Variants in IFTAP observed in about 807,000 individuals in gnomAD.
IFTAP encodes intraflagellar transport associated protein.
IFTAP carries 19 observed loss-of-function variants against 19.4 expected under a neutral mutation model. The observed-to-expected ratio is 0.98, with a 90% CI of 0.68 to 1.44. IFTAP has a LOEUF of 1.44. Ranked by LOEUF, IFTAP falls within the 40% of genes most tolerant of loss-of-function variation. The pLI is 0.00. For synonymous variants in IFTAP, 85 were observed against 83.5 expected, an observed-to-expected ratio of 1.02 and a Z score of -0.10; for missense variants, 240 against 253.6, an observed-to-expected ratio of 0.95 and a Z score of 0.36.
rs567200799 is a variant in IFTAP at position 36,610,077 on chromosome 11, G to A, written c.-23-4G>A. 6.2e-7 allele frequency: 1 copy of A among 1,610,114 alleles called. No individual in the cohort carries two copies. Among genetic ancestry groups the A allele is most frequent in the Non-Finnish European group, 8.5e-7 (1 of 1,177,492 alleles). Reference sequence around the variant, plus strand: ...TCTCTAGCTGGTATTTTTCTGTCTTGCAGATACTGTGGCCTCATGAATAGG... The same window carrying A: ...TCTCTAGCTGGTATTTTTCTGTCTTACAGATACTGTGGCCTCATGAATAGG... On this transcript the variant is annotated splice_polypyrimidine_tract_variant and splice_region_variant and intron_variant, in intron 1 of 5. Coordinates refer to ENST00000334307, the MANE Select transcript of IFTAP (RefSeq NM_138787.4).
intron 2 of IFTAP, among the ~76,000 whole-genome samples, chr11:36,621,018 A>T (rs1852270001): frequency 6.6e-6 from 1 of 152,062 alleles, no homozygotes; most frequent in Admixed American, 6.6e-5. Context: ...AGTTAAATAA[A>T]CTTTTAAGGT....
chr11:36,658,990 GT>G lies in IFTAP; in HGVS notation c.499-23del, dbSNP rs766794501. 5 of 1,484,774 alleles carry G rather than the reference GT, an allele frequency of 3.4e-6. No individual in the cohort carries two copies. In the African/African-American group the frequency reaches 5.7e-5, roughly 17 times the overall value. 92.0% of individuals were successfully genotyped at this position (1,484,774 alleles called of 1,614,324 possible). ...ATCTTCATTTACAATGATTGTGTAT[GT>G]TTTTTCCTCCTTTGTTACCTTTTAT... On this transcript the variant is annotated intron_variant, in intron 5 of 5. Coordinates refer to ENST00000334307, the MANE Select transcript of IFTAP (RefSeq NM_138787.4).
chr11:36,651,059 G>T (rs942833768), intron 5 of IFTAP, among the ~76,000 whole-genome samples: 2 of 152,132 alleles, frequency 1.3e-5, no homozygotes, highest in Admixed American at 1.3e-4. Context: ...ATAATCCTTT[G>T]GGTATATACC....
chr11:36,620,454 C>T (rs1333974876), intron 2 of IFTAP, among the ~76,000 whole-genome samples: 1 of 151,952 alleles, frequency 6.6e-6, no homozygotes, highest in Non-Finnish European at 1.5e-5. Flanking sequence ...ATGAAACACA[C>T]AAAAATTGCT....
intron 4 of IFTAP, among the ~76,000 whole-genome samples, chr11:36,642,288 C>T (rs1165424711): frequency 6.6e-6 from 1 of 152,016 alleles, no homozygotes; most frequent in African/African-American, 2.4e-5. Context: ...ACACATACAC[C>T]CTTCCAAGAC....
At chr11:36,647,983 A>C in intron 4 of IFTAP, 33 bp from the exon 5 acceptor site, 1 of 1,599,210 alleles carries the variant, frequency 6.3e-7, no homozygotes, top group Non-Finnish European at 8.5e-7. Flanking sequence ...GAACTTTGCG[A>C]AAGGCTCAGT....
intron 4 of IFTAP, among the ~76,000 whole-genome samples, chr11:36,646,801 A>G (rs1406878926): frequency 6.6e-6 from 1 of 152,146 alleles, no homozygotes; most frequent in African/African-American, 2.4e-5. Flanking sequence ...TAGCTGAGCT[A>G]AAGCACATAA....
intron 2 of IFTAP, among the ~76,000 whole-genome samples, chr11:36,617,979 A>G (rs1426371138): frequency 6.6e-6 from 1 of 152,042 alleles, no homozygotes; most frequent in Non-Finnish European, 1.5e-5. Context: ...CTAGGGATTA[A>G]TGCTTAGCTC....
chr11:36,603,356 A>G (rs1029105533), intron 1 of IFTAP, among the ~76,000 whole-genome samples: 1 of 152,182 alleles, frequency 6.6e-6, no homozygotes, highest in Non-Finnish European at 1.5e-5. Context: ...TCTGGTTCCA[A>G]CATTCTTGGT....
At chr11:36,633,162 C>A in intron 2 of IFTAP, 122 bp from the exon 3 acceptor site, 1 of 853,014 alleles carries the variant, frequency 1.2e-6, no homozygotes, top group East Asian at 2.9e-5. Context: ...CTCAAGGGTT[C>A]GGTTTGTAGA....
Position 36,619,246 on chromosome 11 carries a change from A to T in IFTAP, c.136+9007A>T, listed in dbSNP as rs190048113. Among the ~76,000 whole-genome samples, 448 of 152,140 alleles carry T rather than the reference A, an allele frequency of 2.9e-3. 5 individuals carry two copies. Among genetic ancestry groups the T allele is most frequent in the African/African-American group, 0.01 (423 of 41,540 alleles). ...CAGCCAAAAGAATATCACTACTCATACTTGACAGCTTCTAAAAAATGTAAT... is the reference window on the plus strand; with the variant it reads ...CAGCCAAAAGAATATCACTACTCATTCTTGACAGCTTCTAAAAAATGTAAT... On this transcript the variant is annotated intron_variant, in intron 2 of 5. Coordinates refer to ENST00000334307, the MANE Select transcript of IFTAP (RefSeq NM_138787.4).
At chr11:36,606,256 C>T (rs538770786) in intron 1 of IFTAP, among the ~76,000 whole-genome samples, 19 of 152,130 alleles carry the variant, frequency 1.2e-4, no homozygotes, top group African/African-American at 4.3e-4. Flanking sequence ...GTCAGGAGTT[C>T]GAGACCAGTC....
At position 36,632,027 on chromosome 11, in the gene IFTAP, A is replaced by C. The variant is rs1331003544; in HGVS notation, c.137-1257A>C. On this transcript the variant is annotated intron_variant, in intron 2 of 5. Transcript: ENST00000334307. ...TGCATTAATGCAGGAAGCAAGGCACAGTGGTTAGGAGGATAGGTTCTAGAG... is the reference window on the plus strand; with the variant it reads ...TGCATTAATGCAGGAAGCAAGGCACCGTGGTTAGGAGGATAGGTTCTAGAG... Among the ~76,000 whole-genome samples, 6 of 151,100 alleles carry C rather than the reference A, an allele frequency of 4.0e-5. 1 individual carries two copies. Among genetic ancestry groups the C allele is most frequent in the African/African-American group, 1.2e-4 (5 of 40,448 alleles).
intron 1 of IFTAP, 36 bp from the exon 2 acceptor site, chr11:36,610,045 C>T: frequency 1.3e-6 from 2 of 1,577,946 alleles, no homozygotes; most frequent in East Asian, 4.5e-5. Context: ...CTGGTATTGC[C>T]TGATTCTCTC....
chr11:36,650,105 C>T (rs957479058), intron 5 of IFTAP, among the ~76,000 whole-genome samples: 1 of 152,096 alleles, frequency 6.6e-6, no homozygotes, highest in African/African-American at 2.4e-5. Context: ...CTGTACTGTA[C>T]CAACACTGCC....
intron 3 of IFTAP, among the ~76,000 whole-genome samples, chr11:36,635,284 G>GT (rs1852901369): frequency 6.6e-6 from 1 of 152,136 alleles, no homozygotes; most frequent in Non-Finnish European, 1.5e-5. Context: ...CATGCCAGTG[G>GT]TGAGATCATT....
At chr11:36,601,717 A>C (rs1851516135) in intron 1 of IFTAP, among the ~76,000 whole-genome samples, 1 of 151,938 alleles carries the variant, frequency 6.6e-6, no homozygotes, top group South Asian at 2.1e-4. Flanking sequence ...GCAGTGGCAT[A>C]ATCTTGGCTC....
chr11:36,634,564 A>T (rs1039416354), intron 3 of IFTAP, among the ~76,000 whole-genome samples: 3 of 152,132 alleles, frequency 2.0e-5, no homozygotes, highest in African/African-American at 7.2e-5. Flanking sequence ...CTTTATTTTC[A>T]GTTGTTTCAT....
intron 2 of IFTAP, among the ~76,000 whole-genome samples, chr11:36,623,506 C>T (rs750907479): frequency 1.5e-4 from 23 of 152,160 alleles, no homozygotes; most frequent in Admixed American, 9.2e-4. Context: ...TCTTGCTGAT[C>T]GCTAATACAG....
Sources: allele counts gnomAD v4.1 joint callset (sites outside exome capture counted in the v4.1 genomes callset), GRCh38; gene constraint gnomAD v4.1.1; transcripts MANE v1.5; gene names NCBI Gene and HGNC (gene_info 2026-07-23, HGNC 2026-07-21).